Variants in WDR48 observed in about 807,000 individuals in gnomAD.
WDR48 encodes the protein WD repeat domain 48, also known as WD repeat-containing protein 48.
A neutral mutation model predicts 94.0 loss-of-function variants in WDR48; 22 were observed. The observed-to-expected ratio is 0.23, with a 90% CI of 0.17 to 0.33. The LOEUF (loss-of-function observed/expected upper bound fraction) is 0.33. Ranked by LOEUF, WDR48 falls within the 10% of genes least tolerant of loss-of-function variation. The probability of loss-of-function intolerance (pLI) is 1.00; values close to 1 mark genes in which losing one functional copy is unlikely to be tolerated. For missense variants in WDR48, 541 were observed against 813.8 expected (o/e 0.66, Z 4.08); for synonymous variants, 278 against 280.5 (o/e 0.99, Z 0.09).
In WDR48 at chr3:39,052,025, G is replaced by A. The variant is rs145086991; in HGVS notation, c.-1G>A. 2.5e-6 allele frequency: 4 copies of A among 1,613,900 alleles called. No individual in the cohort carries two copies. The African/African-American group carries it at 4.0e-5, about 16-fold the overall frequency. ...GTGACGTCGGAGTGTCAACATGCAA[G>A]ATGGCGGCCCATCACCGGCAGAACA... is the stretch of plus-strand genomic sequence containing the variant. On this transcript the variant is annotated 5_prime_UTR_variant, in exon 1 of 19. Transcript: ENST00000302313.
intron 8 of WDR48, among the ~76,000 whole-genome samples, chr3:39,076,613 T>G (rs11707101): frequency 0.12 from 18,671 of 152,252 alleles, 1,350 homozygotes; most frequent in East Asian, 0.22. Context: ...ATTCCGCTTG[T>G]GTAATATATA....
chr3:39,094,505 G>A, intron 18 of WDR48, 143 bp from the exon 19 acceptor site: 2 of 1,537,152 alleles, frequency 1.3e-6, no homozygotes, highest in Non-Finnish European at 1.7e-6. Flanking sequence ...CCGCATGCAT[G>A]GAAGCCGTGA....
In WDR48 at chr3:39,094,677, A is replaced by G. The variant is rs2035253403; in HGVS notation, c.1968A>G (p.Thr656=). Residue 656 remains threonine, a synonymous_variant, in exon 19 of 19, where the codon ACA becomes ACG. Coordinates refer to ENST00000302313, the MANE Select transcript of WDR48 (RefSeq NM_020839.4). The stretch of plus-strand genomic sequence containing the variant: ...TGGATCCAAATATGGACCTTCGAAC[A>G]GTGAAACACTTCATATGGAAGAGCG... ...QVLDPNMDLR[T]VKHFIWKSGG... is the part of the protein sequence containing the mutation. 1.2e-6 allele frequency: 2 copies of G among 1,614,088 alleles called. No homozygotes were observed. Among genetic ancestry groups the G allele is most frequent in the Admixed American group, 3.3e-5 (2 of 60,004 alleles).
At chr3:39,066,695 A>C in intron 4 of WDR48, 51 bp from the exon 5 acceptor site, 1 of 1,613,506 alleles carries the variant, frequency 6.2e-7, no homozygotes, top group African/African-American at 1.3e-5. Flanking sequence ...TGTGTGGCTC[A>C]TTTTATTACT....
chr3:39,054,798 C>G (rs556320895), intron 1 of WDR48, among the ~76,000 whole-genome samples: 1 of 152,034 alleles, frequency 6.6e-6, no homozygotes, highest in East Asian at 1.9e-4. Flanking sequence ...AGGATCTGCT[C>G]GTCTTCCAGG....
At chr3:39,086,693 G>A (rs1206057142) in intron 14 of WDR48, among the ~76,000 whole-genome samples, 2 of 152,234 alleles carry the variant, frequency 1.3e-5, no homozygotes, top group Non-Finnish European at 2.9e-5. Flanking sequence ...CTATGTTGCT[G>A]TGGGCAAATC....
chr3:39,092,052 G>A (rs956309450), intron 17 of WDR48, among the ~76,000 whole-genome samples: 2 of 152,176 alleles, frequency 1.3e-5, no homozygotes, highest in Non-Finnish European at 2.9e-5. Flanking sequence ...GGGAGCACAC[G>A]CTTGTAGTCC....
chr3:39,059,092 A>C (rs938292236), intron 1 of WDR48, among the ~76,000 whole-genome samples: 5 of 152,076 alleles, frequency 3.3e-5, no homozygotes, highest in Non-Finnish European at 5.9e-5. Context: ...AAAAAAAAAA[A>C]AAAATACAGA....
chr3:39,058,669 C>CGT (rs2033056568), intron 1 of WDR48, among the ~76,000 whole-genome samples: 1 of 152,142 alleles, frequency 6.6e-6, no homozygotes, highest in Non-Finnish European at 1.5e-5. Flanking sequence ...TGCAATGATA[C>CGT]GTATGTCTTT....
At chr3:39,083,081 CTGTGAGTTGA>C (rs2034621119) in intron 11 of WDR48, among the ~76,000 whole-genome samples, 1 of 152,138 alleles carries the variant, frequency 6.6e-6, no homozygotes, top group African/African-American at 2.4e-5. Context: ...CATTAACCTG[CTGTGAGTTGA>C]TTTAAGATGT....
At position 39,067,422 on chromosome 3, in the gene WDR48, C is replaced by T. The variant is rs143843762; in HGVS notation, c.481+547C>T. On this transcript the variant is annotated intron_variant, in intron 5 of 18. Coordinates refer to ENST00000302313, the MANE Select transcript of WDR48 (RefSeq NM_020839.4). ...CAAGCCAATTCCAGAAGAGCCAGAA[C>T]GGTAGAGTGCTTCTAGAGGCAATCC... 5.0e-3 allele frequency among the ~76,000 whole-genome samples: 755 copies of T among 152,260 alleles called. 11 individuals are homozygous for T. The highest frequency in any genetic ancestry group is 0.016 in the African/African-American group (680 of 41,562).
chr3:39,064,566 C>T lies in WDR48; in HGVS notation c.190-1245C>T, dbSNP rs370054109. Among the ~76,000 whole-genome samples, 610 of 152,254 alleles carry T rather than the reference C, an allele frequency of 4.0e-3. 5 individuals carry two copies. Among genetic ancestry groups the T allele is most frequent in the Non-Finnish European group, 6.6e-3 (452 of 68,036 alleles). ...CTGGTATTACAGGCGTGAGCCACCG[C>T]GCCTGGCCAGATCCATTTTCATAGA... On this transcript the variant is annotated intron_variant, in intron 2 of 18. Transcript: ENST00000302313.
intron 2 of WDR48, 122 bp from the exon 3 acceptor site, chr3:39,065,689 A>G: frequency 1.8e-6 from 1 of 559,132 alleles, no homozygotes; most frequent in East Asian, 3.4e-5. Context: ...CTCAGAATTC[A>G]GGTGTTAGTT....
chr3:39,064,475 A>G (rs922489859), intron 2 of WDR48, among the ~76,000 whole-genome samples: 1 of 152,086 alleles, frequency 6.6e-6, no homozygotes, highest in South Asian at 2.1e-4. Flanking sequence ...GGGTTTCACC[A>G]TGTGGGTCAG....
chr3:39,060,419 C>T (rs1485967224), intron 1 of WDR48, among the ~76,000 whole-genome samples: 2 of 147,772 alleles, frequency 1.4e-5, no homozygotes, highest in Non-Finnish European at 1.5e-5. Flanking sequence ...TGTGTGTGTG[C>T]ATATATATAT....
chr3:39,057,705 C>T (rs555068017), intron 1 of WDR48, among the ~76,000 whole-genome samples: 8 of 152,238 alleles, frequency 5.3e-5, no homozygotes, highest in African/African-American at 1.7e-4. Flanking sequence ...TCACTGCAAC[C>T]TCTGCTTCCT....
At chr3:39,086,666 G>A (rs1472914033) in intron 14 of WDR48, among the ~76,000 whole-genome samples, 1 of 152,192 alleles carries the variant, frequency 6.6e-6, no homozygotes, top group Non-Finnish European at 1.5e-5. Context: ...TCTGGGGTGG[G>A]CTCTGCTGCT....
Position 39,084,211 on chromosome 3 carries a change from A to T in WDR48, c.1230A>T (p.Arg410Ser). 1 of 1,612,942 alleles carries T rather than the reference A, an allele frequency of 6.2e-7. No homozygotes were observed. Residue 410 changes from arginine (R) to serine (S), a missense_variant, in exon 12 of 19, where the codon AGA (arginine) becomes AGT (serine). By Grantham distance (110) the Arg-to-Ser change is moderately radical (BLOSUM62 -1). Around this residue, in one of 5 missense-constraint regions of WDR48, gnomAD observed 238 missense variants for 285.3 expected, o/e 0.83. Transcript: ENST00000302313. ...ATTTTGAAGATGAAATTAAGAAAAG[A>T]TTTAAAATGGTGTATGTGCCAAATT... ...KVDFEDEIKKRFKMVYVPNWF... is the reference protein window; with the variant it reads ...KVDFEDEIKKSFKMVYVPNWF...
intron 17 of WDR48, 113 bp from the exon 18 acceptor site, chr3:39,093,761 A>ATTTATTGGTT: frequency 8.1e-7 from 1 of 1,228,130 alleles, no homozygotes; most frequent in Non-Finnish European, 1.1e-6. Context: ...GACTAAAAAC[A>ATTTATTGGTT]TTTATTGGTT....
Sources: allele counts gnomAD v4.1 joint callset (sites outside exome capture counted in the v4.1 genomes callset), GRCh38; gene constraint gnomAD v4.1.1; regional missense constraint gnomAD v4.1.1; transcripts MANE v1.5; gene names NCBI Gene and HGNC (gene_info 2026-07-23, HGNC 2026-07-21).